The following UST variants were observed in gnomAD, a reference collection of about 807,000 sequenced individuals.
UST encodes uronyl 2-sulfotransferase.
UST carries 21 observed loss-of-function variants against 45.6 expected under a neutral mutation model. The ratio of observed to expected loss-of-function variants is 0.46; its 90% CI spans 0.33 to 0.66. The LOEUF is 0.66. Ranked by LOEUF, UST falls within the 30% of genes least tolerant of loss-of-function variation. The probability of loss-of-function intolerance (pLI) is 0.02; values close to 1 mark genes in which losing one functional copy is unlikely to be tolerated. For missense variants in UST, 463 were observed against 512.4 expected, an observed-to-expected ratio of 0.90 and a Z score of 0.93; for synonymous variants, 215 against 200.6, an observed-to-expected ratio of 1.07 and a Z score of -0.61.
intron 2 of UST, among the ~76,000 whole-genome samples, chr6:148,926,458 G>A (rs1305402464): frequency 2.6e-5 from 4 of 152,216 alleles, no homozygotes; most frequent in Admixed American, 2.6e-4. Context: ...GTCTGGTGTG[G>A]TGGCACTGTG....
intron 2 of UST, among the ~76,000 whole-genome samples, chr6:148,902,765 G>T (rs1334414454): frequency 6.6e-6 from 1 of 151,942 alleles, no homozygotes; most frequent in African/African-American, 2.4e-5. Flanking sequence ...GTGTTTCTTG[G>T]CCTTGTTCCT....
intron 4 of UST, among the ~76,000 whole-genome samples, chr6:148,960,064 G>A (rs1274609261): frequency 1.3e-5 from 2 of 151,950 alleles, no homozygotes; most frequent in Non-Finnish European, 2.9e-5. Context: ...CGAGGCAGGC[G>A]GATCACTTGA....
At chr6:148,786,521 G>A (rs1776738513) in intron 1 of UST, among the ~76,000 whole-genome samples, 1 of 152,136 alleles carries the variant, frequency 6.6e-6, no homozygotes, top group South Asian at 2.1e-4. Context: ...AGTTTGCTAA[G>A]GATAATGACC....
chr6:149,007,074 T>C (rs1285787530), intron 5 of UST, among the ~76,000 whole-genome samples: 1 of 151,974 alleles, frequency 6.6e-6, no homozygotes, highest in East Asian at 1.9e-4. Context: ...TACTGTTTTT[T>C]AAACATTCCA....
At chr6:148,839,854 GA>G (rs1777857142) in intron 1 of UST, among the ~76,000 whole-genome samples, 1 of 152,174 alleles carries the variant, frequency 6.6e-6, no homozygotes, top group South Asian at 2.1e-4. Context: ...ATTGTACAGA[GA>G]AGGTAAAAAG....
At chr6:148,788,912 G>A (rs188963556) in intron 1 of UST, among the ~76,000 whole-genome samples, 1 of 152,320 alleles carries the variant, frequency 6.6e-6, no homozygotes, top group Admixed American at 6.5e-5. Context: ...TTAAGGGCTG[G>A]CCCATTTTCA....
intron 7 of UST, among the ~76,000 whole-genome samples, chr6:149,062,835 G>A (rs571538772): frequency 7.9e-5 from 12 of 152,362 alleles, no homozygotes; most frequent in African/African-American, 2.6e-4. Context: ...TGGGTACTGG[G>A]AAGATTGAGC....
intron 1 of UST, among the ~76,000 whole-genome samples, chr6:148,772,329 C>G (rs1319452831): frequency 6.6e-6 from 1 of 152,064 alleles, no homozygotes; most frequent in African/African-American, 2.4e-5. Flanking sequence ...GATTAAGGAG[C>G]CAGGCGATGT....
chr6:148,993,956 C>CTT (rs57552256), intron 5 of UST, among the ~76,000 whole-genome samples: 1,530 of 95,268 alleles, frequency 0.016, 198 homozygotes, highest in African/African-American at 0.044. Flanking sequence ...TATTTCTTTC[C>CTT]TTTTTTTTTT....
chr6:148,919,275 C>T lies in UST; in HGVS notation c.292-22004C>T, dbSNP rs1294823754. On this transcript the variant is annotated intron_variant, in intron 2 of 7. Coordinates refer to ENST00000367463, the MANE Select transcript of UST (RefSeq NM_005715.3). ...ACTGAGCGCCTTCCAACATGGCTGC[C>T]ACCACCAGAGGTCTTGCCAGCTCAC... is the stretch of plus-strand genomic sequence containing the variant. Among the ~76,000 whole-genome samples, 17 of 152,334 alleles carry T rather than the reference C, an allele frequency of 1.1e-4. No homozygotes were observed. The South Asian group carries it at 3.3e-3, about 30-fold the overall frequency.
intron 5 of UST, among the ~76,000 whole-genome samples, chr6:148,985,666 G>A (rs1019642988): frequency 3.3e-5 from 5 of 152,188 alleles, no homozygotes; most frequent in African/African-American, 1.2e-4. Context: ...TAGTGGTGGG[G>A]AAGTCTGGTC....
chr6:149,028,958 G>A (rs916521480), intron 7 of UST, among the ~76,000 whole-genome samples: 5 of 152,232 alleles, frequency 3.3e-5, no homozygotes, highest in African/African-American at 1.2e-4. Context: ...TGTTTTCCAT[G>A]TGCAGAATTA....
At chr6:148,991,997 ATAAACTGGTGTTTT>A (rs531519501) in intron 5 of UST, among the ~76,000 whole-genome samples, 1 of 152,314 alleles carries the variant, frequency 6.6e-6, no homozygotes, top group East Asian at 1.9e-4. Flanking sequence ...CATCCTTAAG[ATAAACTGGTGTTTT>A]TATTGTCGTA....
chr6:149,055,759 T>C (rs1052213103), intron 7 of UST, among the ~76,000 whole-genome samples: 1 of 152,218 alleles, frequency 6.6e-6, no homozygotes, highest in African/African-American at 2.4e-5. Flanking sequence ...TGGTGGTTAA[T>C]GGTCAGTGCA....
intron 1 of UST, among the ~76,000 whole-genome samples, chr6:148,788,912 G>C (rs188963556): frequency 1.3e-5 from 2 of 152,202 alleles, no homozygotes; most frequent in African/African-American, 4.8e-5. Context: ...TTAAGGGCTG[G>C]CCCATTTTCA....
intron 1 of UST, among the ~76,000 whole-genome samples, chr6:148,789,447 TCTCTCTCA>T (rs946495457): frequency 7.7e-5 from 10 of 130,458 alleles, no homozygotes; most frequent in African/African-American, 2.4e-4. Context: ...TCTCTCTCTC[TCTCTCTCA>T]CACACACACA....
At chr6:148,946,156 A>G (rs1434283048) in intron 3 of UST, among the ~76,000 whole-genome samples, 1 of 152,188 alleles carries the variant, frequency 6.6e-6, no homozygotes, top group Admixed American at 6.5e-5. Flanking sequence ...AATCATGTTA[A>G]GTTTGTAAAA....
intron 3 of UST, among the ~76,000 whole-genome samples, chr6:148,949,669 T>G (rs1298418178): frequency 1.3e-5 from 2 of 152,164 alleles, no homozygotes; most frequent in African/African-American, 4.8e-5. Context: ...TATACATTTC[T>G]TGACTCCAAA....
chr6:148,875,712 G>A (rs1157841513), intron 1 of UST, among the ~76,000 whole-genome samples: 1 of 152,246 alleles, frequency 6.6e-6, no homozygotes. Flanking sequence ...GCCGAGGCAG[G>A]AGAATTGCTT....
Sources: gnomAD v4.1 joint callset for allele counts (sites outside exome capture counted in the v4.1 genomes callset) on GRCh38, gnomAD v4.1.1 for gene constraint, MANE v1.5 for transcripts, NCBI Gene and HGNC (gene_info 2026-07-23, HGNC 2026-07-21) for gene names.